DIAPH3: variants seen among roughly 807,000 people sequenced by gnomAD.
DIAPH3 encodes the protein protein diaphanous homolog 3.
In DIAPH3, 117 loss-of-function variants were observed where a neutral mutation model predicts 144.3. That is an observed-to-expected ratio of 0.81 (90% CI 0.70 to 0.95). DIAPH3 has a LOEUF of 0.95. DIAPH3 is among the 40% of genes least tolerant of loss of function. The probability of loss-of-function intolerance (pLI) is 0.00; values close to 1 mark genes in which losing one functional copy is unlikely to be tolerated. For synonymous variants in DIAPH3, 519 were observed against 488.9 expected (o/e 1.06, Z -0.81); for missense variants, 1,421 against 1,412.7 (o/e 1.01, Z -0.09).
intron 27 of DIAPH3, among the ~76,000 whole-genome samples, chr13:59,749,294 G>A (rs1359578905): frequency 2.7e-5 from 4 of 150,458 alleles, no homozygotes; most frequent in African/African-American, 9.8e-5. Flanking sequence ...GCAGAGGCAG[G>A]TGGATCATGA....
chr13:60,064,719 A>T (rs1172187470), intron 4 of DIAPH3, among the ~76,000 whole-genome samples: 5 of 152,146 alleles, frequency 3.3e-5, no homozygotes, highest in African/African-American at 1.2e-4. Context: ...TAGCACTTTT[A>T]ATTCCCTTTA....
intron 22 of DIAPH3, among the ~76,000 whole-genome samples, chr13:59,843,467 C>T (rs2042454144): frequency 6.6e-6 from 1 of 152,144 alleles, no homozygotes; most frequent in South Asian, 2.1e-4. Flanking sequence ...CTGTGGTTGT[C>T]AGTGGGTCAG....
chr13:60,019,654 T>C (rs1162459115), intron 5 of DIAPH3, among the ~76,000 whole-genome samples: 2 of 150,812 alleles, frequency 1.3e-5, no homozygotes, highest in East Asian at 3.9e-4. Context: ...GTTCCCAGAA[T>C]TACAATGTTT....
chr13:59,892,430 T>C (rs1168489637), intron 20 of DIAPH3, among the ~76,000 whole-genome samples: 1 of 151,886 alleles, frequency 6.6e-6, no homozygotes, highest in Non-Finnish European at 1.5e-5. Flanking sequence ...AAAGAATTCA[T>C]TGGCACTAAA....
chr13:59,862,485 T>C (rs1476480235), intron 21 of DIAPH3, among the ~76,000 whole-genome samples: 1 of 151,986 alleles, frequency 6.6e-6, no homozygotes, highest in East Asian at 1.9e-4. Flanking sequence ...GAGGGCAGTC[T>C]GAATGGAGGT....
chr13:59,879,607 A>G (rs1201436868), intron 20 of DIAPH3, 139 bp from the exon 21 acceptor site: 2 of 1,235,736 alleles, frequency 1.6e-6, no homozygotes, highest in East Asian at 2.5e-5. Context: ...GATAGCAGGA[A>G]GAGAGAAAAG....
At position 59,916,169 on chromosome 13, in the gene DIAPH3, C is replaced by T; in HGVS notation, c.2251G>A (p.Glu751Lys). The change falls in exon 19 of 28, where the codon GAG becomes AAG. Residue 751 changes from glutamate to lysine, a missense_variant. By Grantham distance (56) the Glu-to-Lys change is moderately conservative (BLOSUM62 1). Coordinates refer to ENST00000400324, the MANE Select transcript of DIAPH3 (RefSeq NM_001042517.2). ...ILEVDETRLA[E>K]SMIQNLIKHL... ...TGTTTGTTTACCTGAATCATAGACTCTGCCAACCGTGTTTCATCTACTTCC... is the reference window on the plus strand; with the variant it reads ...TGTTTGTTTACCTGAATCATAGACTTTGCCAACCGTGTTTCATCTACTTCC... 1.9e-6 allele frequency: 3 copies of T among 1,613,020 alleles called. No individual in the cohort carries two copies. Among genetic ancestry groups the T allele is most frequent in the Non-Finnish European group, 2.5e-6 (3 of 1,179,262 alleles).
At chr13:59,887,933 A>G (rs2045554508) in intron 20 of DIAPH3, among the ~76,000 whole-genome samples, 1 of 151,934 alleles carries the variant, frequency 6.6e-6, no homozygotes, top group Admixed American at 6.6e-5. Context: ...GCAAGTTATT[A>G]TTTTTGTTAT....
At chr13:59,736,950 T>G (rs985583952) in intron 27 of DIAPH3, among the ~76,000 whole-genome samples, 3 of 152,208 alleles carry the variant, frequency 2.0e-5, no homozygotes, top group Non-Finnish European at 4.4e-5. Context: ...GCTAGCCATA[T>G]GCAGAAAATT....
intron 5 of DIAPH3, among the ~76,000 whole-genome samples, chr13:60,021,179 A>T (rs2053992843): frequency 1.3e-5 from 2 of 152,228 alleles, no homozygotes. Context: ...GTAGCAAAGG[A>T]GAAATTCAGA....
In DIAPH3 at chr13:60,042,699, T is replaced by C. The variant is rs751908858; in HGVS notation, c.617A>G (p.Asn206Ser). 3.0e-5 allele frequency: 49 copies of C among 1,613,496 alleles called. No individual in the cohort carries two copies. Among genetic ancestry groups the C allele is most frequent in the Non-Finnish European group, 3.9e-5 (46 of 1,179,724 alleles). Reference sequence around the variant, plus strand: ...CAAATAGATGAATTACCTCACAGGATTGCTGGTCAAAGACACTCGGAGAGA... The same window carrying C: ...CAAATAGATGAATTACCTCACAGGACTGCTGGTCAAAGACACTCGGAGAGA... ...LESLRVSLTS[N>S]PVSWVESFGH... The change falls in exon 5 of 28, where the codon AAT (asparagine) becomes AGT (serine). Residue 206 changes from asparagine to serine, a missense_variant. Physicochemically the swap from Asn to Ser is conservative, Grantham distance 46. Coordinates refer to ENST00000400324, the MANE Select transcript of DIAPH3 (RefSeq NM_001042517.2).
Position 60,011,066 on chromosome 13 carries a change from T to C in DIAPH3, c.772-397A>G, listed in dbSNP as rs181144379. 3.9e-3 allele frequency among the ~76,000 whole-genome samples: 598 copies of C among 151,850 alleles called. 5 individuals carry two copies. The highest frequency in any genetic ancestry group is 0.014 in the African/African-American group (579 of 41,416). ...ATTGCAGTAAGCCAAGATCACGCCA[T>C]TGCACTCCAGCCTGGGCAACAAGAG... On this transcript the variant is annotated intron_variant, in intron 7 of 27. Transcript: ENST00000400324.
rs1467277859 is a variant in DIAPH3 at position 60,074,990 on chromosome 13, T to C, written c.495+18638A>G. ...TTCAAGCTATTCTTATAAAATAGGT[T>C]CAAAATAGTGGAACCATTACATCAG... is the stretch of plus-strand genomic sequence containing the variant. On this transcript the variant is annotated intron_variant, in intron 4 of 27. Transcript: ENST00000400324. 2.0e-5 allele frequency among the ~76,000 whole-genome samples: 3 copies of C among 152,176 alleles called. No homozygotes were observed. The East Asian group carries it at 5.8e-4, about 29-fold the overall frequency.
intron 9 of DIAPH3, among the ~76,000 whole-genome samples, chr13:59,995,748 A>G (rs2052147191): frequency 6.6e-6 from 1 of 151,994 alleles, no homozygotes; most frequent in Non-Finnish European, 1.5e-5. Flanking sequence ...GGAGATGATA[A>G]GTTGGAAATG....
chr13:59,774,695 T>A (rs758546977), intron 26 of DIAPH3, 33 bp downstream of exon 26: 2 of 1,582,276 alleles, frequency 1.3e-6, no homozygotes, highest in Admixed American at 3.3e-5. Context: ...GATAGCTCCC[T>A]AGAAAGTAAC....
At chr13:59,924,408 CAG>C (rs1391886493) in intron 18 of DIAPH3, among the ~76,000 whole-genome samples, 3 of 151,708 alleles carry the variant, frequency 2.0e-5, no homozygotes, top group Admixed American at 6.6e-5. Context: ...ATTAGAGATT[CAG>C]AGTTATAAAA....
chr13:59,850,034 A>G (rs1174168321), intron 22 of DIAPH3, among the ~76,000 whole-genome samples: 2 of 141,186 alleles, frequency 1.4e-5, no homozygotes, highest in Non-Finnish European at 3.1e-5. Context: ...GGTCCTTCAC[A>G]TCCCTTGTAA....
intron 27 of DIAPH3, among the ~76,000 whole-genome samples, chr13:59,689,680 C>T (rs113923532): frequency 2.0e-3 from 311 of 151,806 alleles, no homozygotes; most frequent in African/African-American, 7.1e-3. Flanking sequence ...TGATGGCAGA[C>T]GGTGGGGAAC....
In DIAPH3 at chr13:59,680,235, G is replaced by T. The variant is rs186120041; in HGVS notation, c.3320-13389C>A. On this transcript the variant is annotated intron_variant, in intron 27 of 27. Coordinates refer to ENST00000400324, the MANE Select transcript of DIAPH3 (RefSeq NM_001042517.2). ...TAGATATCTAATAAAAACATACATT[G>T]TCATACATATGTATCCTATCAGGAT... Among the ~76,000 whole-genome samples the T allele has an allele frequency of 1.6e-3, 239 of 152,212 alleles. 1 individual carries two copies. Among genetic ancestry groups the T allele is most frequent in the African/African-American group, 5.6e-3 (233 of 41,538 alleles).
Sources: allele counts gnomAD v4.1 joint callset (sites outside exome capture counted in the v4.1 genomes callset), GRCh38; gene constraint gnomAD v4.1.1; transcripts MANE v1.5; gene names NCBI Gene and HGNC (gene_info 2026-07-23, HGNC 2026-07-21).